CCDC122: variants seen among roughly 807,000 people sequenced by gnomAD.
The protein encoded by CCDC122 is coiled-coil domain containing 122.
CCDC122 carries 38 observed loss-of-function variants against 37.0 expected under a neutral mutation model. The observed-to-expected ratio is 1.03, with a 90% CI of 0.79 to 1.35. CCDC122 has a LOEUF of 1.35. Ranked by LOEUF, CCDC122 falls within the 40% of genes most tolerant of loss-of-function variation. CCDC122 has a pLI of 0.00. For synonymous variants in CCDC122, 83 were observed against 95.6 expected (o/e 0.87, Z 0.77); for missense variants, 305 against 310.0 (o/e 0.98, Z 0.12).
chr13:43,841,848 C>T (rs1355276196), intron 6 of CCDC122, among the ~76,000 whole-genome samples: 1 of 152,040 alleles, frequency 6.6e-6, no homozygotes, highest in Non-Finnish European at 1.5e-5. Flanking sequence ...GTAGCTGGGA[C>T]CACAGGTGTG....
At chr13:43,828,591 CACACACACGT>C (rs893091667) in intron 3 of CCDC122, among the ~76,000 whole-genome samples, 3 of 142,122 alleles carry the variant, frequency 2.1e-5, no homozygotes, top group African/African-American at 7.9e-5. Flanking sequence ...CACACACACA[CACACACACGT>C]GTCTTTCTTG....
At chr13:43,824,637 T>C (rs1045908656) in intron 3 of CCDC122, among the ~76,000 whole-genome samples, 1 of 152,126 alleles carries the variant, frequency 6.6e-6, no homozygotes. Flanking sequence ...GGAGAAAATA[T>C]TTGCAAACTA....
At chr13:43,877,990 G>C (rs559672494) in intron 1 of CCDC122, 1 of 152,184 alleles carries the variant, frequency 6.6e-6, no homozygotes, top group African/African-American at 2.4e-5. Flanking sequence ...GGATGAGGAA[G>C]TGTTAGGACA....
chr13:43,824,600 T>A (rs985437007), intron 3 of CCDC122, among the ~76,000 whole-genome samples: 1 of 152,090 alleles, frequency 6.6e-6, no homozygotes, highest in African/African-American at 2.4e-5. Context: ...AAAAGAACTA[T>A]CAACAGAGTA....
chr13:43,820,925 T>C (rs1436968324), downstream of CCDC122, among the ~76,000 whole-genome samples: 1 of 152,224 alleles, frequency 6.6e-6, no homozygotes, highest in East Asian at 1.9e-4. Context: ...CACATGCTAT[T>C]GAGAATATTC....
chr13:43,850,459 G>T (rs914265062), intron 6 of CCDC122, among the ~76,000 whole-genome samples: 2 of 152,040 alleles, frequency 1.3e-5, no homozygotes, highest in African/African-American at 4.8e-5. Flanking sequence ...AAAATAGAAA[G>T]TCTGAGCAAA....
At chr13:43,852,106 C>G (rs1490271019) in intron 6 of CCDC122, among the ~76,000 whole-genome samples, 3 of 152,064 alleles carry the variant, frequency 2.0e-5, no homozygotes, top group African/African-American at 4.8e-5. Context: ...GACCACATCA[C>G]CTCTCCAGCA....
rs1954353690 is a variant in CCDC122, at chr13:43,868,742, T to C, written c.108A>G (p.Ser36=). ...TGTTTTTTTCTATCTCTGATGCTTG[T>C]GATTGTTGTTGCTTTGCAACTTTCT... ...AVEKVAKQQQ[S]QASEIEKNKK... Residue 36 remains serine, a synonymous_variant, in exon 4 of 7, where the codon TCA becomes TCG. Transcript: ENST00000444614. The C allele has an allele frequency of 6.4e-7, 1 of 1,566,656 alleles. No homozygotes were observed. The highest frequency in any genetic ancestry group is 1.8e-5 in the Admixed American group (1 of 54,552).
intron 6 of CCDC122, among the ~76,000 whole-genome samples, chr13:43,842,966 T>G (rs1179787799): frequency 6.6e-6 from 1 of 152,086 alleles, no homozygotes; most frequent in Non-Finnish European, 1.5e-5. Context: ...TATCTGTGAA[T>G]AATGACAGTT....
intron 3 of CCDC122, among the ~76,000 whole-genome samples, chr13:43,827,666 G>A (rs1047067342): frequency 6.6e-5 from 10 of 152,160 alleles, no homozygotes; most frequent in Non-Finnish European, 1.0e-4. Flanking sequence ...CCACATATAT[G>A]GACGGTTGAC....
Position 43,859,760 on chromosome 13 carries a change from C to T in CCDC122, c.467G>A (p.Arg156Gln), listed in dbSNP as rs751647872. 89 of 1,597,942 alleles carry T rather than the reference C, an allele frequency of 5.6e-5. No homozygotes were observed. The highest frequency in any genetic ancestry group is 6.6e-5 in the Non-Finnish European group (78 of 1,175,444). Reference sequence around the variant, plus strand: ...TGTCTTTAATTTTTTAACAAAATCTCGCTTTTCATGGAGTTCAGTCATAAA... The same window carrying T: ...TGTCTTTAATTTTTTAACAAAATCTTGCTTTTCATGGAGTTCAGTCATAAA... ...WSFMTELHEK[R>Q]DFVKKLKTMK... Residue 156 changes from arginine to glutamine, a missense_variant, in exon 5 of 7, where the codon CGA (arginine) becomes CAA (glutamine). By Grantham distance (43) the Arg-to-Gln change is conservative. Transcript: ENST00000444614.
downstream of CCDC122, among the ~76,000 whole-genome samples, chr13:43,820,849 G>A (rs1423725277): frequency 2.0e-5 from 3 of 152,160 alleles, no homozygotes; most frequent in African/African-American, 4.8e-5. Flanking sequence ...TCCAGTACAC[G>A]TTAGCTTTTA....
downstream of CCDC122, among the ~76,000 whole-genome samples, chr13:43,835,883 T>C (rs867937051): frequency 2.0e-5 from 3 of 152,228 alleles, no homozygotes; most frequent in African/African-American, 7.2e-5. Flanking sequence ...TTCACCATTT[T>C]CACTGTAGCT....
intron 3 of CCDC122, among the ~76,000 whole-genome samples, chr13:43,825,744 T>C (rs1297393797): frequency 8.8e-6 from 1 of 113,306 alleles, no homozygotes; most frequent in African/African-American, 3.5e-5. Context: ...CACTACAGCC[T>C]GGGCGACGGA....
Position 43,837,320 on chromosome 13 carries a change from G to T in CCDC122, c.782C>A (p.Thr261Asn). ...WQWNIQQLEK[T>N]AAELRKCIGM... ...AATGCATTTTCTTAATTCGGCTGCA[G>T]TTTTTTCCAATTGTTGAATGTTCCA... Residue 261 changes from threonine to asparagine, a missense_variant, in exon 7 of 7, where the codon ACT (threonine) becomes AAT (asparagine). By Grantham distance (65) the Thr-to-Asn change is moderately conservative. Coordinates refer to ENST00000444614, the MANE Select transcript of CCDC122 (RefSeq NM_144974.5). The T allele has an allele frequency of 6.2e-7, 1 of 1,613,968 alleles. No homozygotes were observed. The highest frequency in any genetic ancestry group is 1.3e-5 in the African/African-American group (1 of 75,036).
At chr13:43,822,933 C>T (rs999882451), downstream of CCDC122, among the ~76,000 whole-genome samples, 2 of 152,294 alleles carry the variant, frequency 1.3e-5, no homozygotes, top group East Asian at 3.9e-4. Context: ...TGGTGCTCTA[C>T]TCCCCAGTGG....
At chr13:43,853,317 GA>G (rs545178025) in intron 6 of CCDC122, among the ~76,000 whole-genome samples, 1 of 151,350 alleles carries the variant, frequency 6.6e-6, no homozygotes, top group Non-Finnish European at 1.5e-5. Flanking sequence ...TGGAAAAACA[GA>G]AAAAAAATCA....
intron 6 of CCDC122, 42 bp from the exon 7 acceptor site, chr13:43,837,471 T>C: frequency 6.4e-7 from 1 of 1,558,110 alleles, no homozygotes. Context: ...TTGTGAAGTA[T>C]AAATAGTAAA....
In CCDC122 at chr13:43,858,767, T is replaced by C. The variant is rs975329970; in HGVS notation, c.672+14A>G. The C allele has an allele frequency of 7.3e-7, 1 of 1,375,860 alleles. No homozygotes were observed. Among genetic ancestry groups the C allele is most frequent in the African/African-American group, 1.5e-5 (1 of 67,532 alleles). 85.2% of individuals were successfully genotyped at this position (1,375,860 alleles called of 1,614,324 possible). On this transcript the variant is annotated intron_variant, in intron 6 of 6. Coordinates refer to ENST00000444614, the MANE Select transcript of CCDC122 (RefSeq NM_144974.5). ...GTCCCATAAAACATTGAAATCTAGA[T>C]AATTAAGACTTACCTCTATTTCTTT... is the stretch of plus-strand genomic sequence containing the variant.
Sources: allele counts gnomAD v4.1 joint callset (sites outside exome capture counted in the v4.1 genomes callset), GRCh38; gene constraint gnomAD v4.1.1; transcripts MANE v1.5; gene names NCBI Gene and HGNC (gene_info 2026-07-23, HGNC 2026-07-21).